Variants in PPP1CB observed in about 807,000 individuals in gnomAD.
The protein encoded by PPP1CB is serine/threonine-protein phosphatase PP1-beta catalytic subunit.
Under a neutral mutation model 43.7 loss-of-function variants are expected in PPP1CB, and 2 were observed. The ratio of observed to expected loss-of-function variants is 0.05; its 90% CI spans 0.02 to 0.14. The LOEUF (loss-of-function observed/expected upper bound fraction) is 0.14. PPP1CB is among the 10% of genes least tolerant of loss of function. PPP1CB has a pLI of 1.00. For missense variants in PPP1CB, 84 were observed against 398.0 expected (o/e 0.21, Z 6.71); for synonymous variants, 136 against 135.6 (o/e 1.00, Z -0.02).
chr2:28,768,190 A>G (rs1431132721), intron 1 of PPP1CB, among the ~76,000 whole-genome samples: 1 of 152,192 alleles, frequency 6.6e-6, no homozygotes, highest in Non-Finnish European at 1.5e-5. Flanking sequence ...AGGGAAGCGT[A>G]TAGTGTGAGC....
rs1274061720 is a variant in PPP1CB at position 28,800,178 on chromosome 2, TC to T, written c.*877del. The T allele has an allele frequency of 6.6e-6, 1 of 152,014 alleles. No homozygotes were observed. The highest frequency in any genetic ancestry group is 1.5e-5 in the Non-Finnish European group (1 of 67,854). 9.4% of individuals were successfully genotyped at this position (152,014 alleles called of 1,614,324 possible). On this transcript the variant is annotated 3_prime_UTR_variant, in exon 8 of 8. Coordinates refer to ENST00000395366, the MANE Select transcript of PPP1CB (RefSeq NM_002709.3). ...GGAACACCTTTTGGCATGCTTAACT[TC>T]CTGGTAACACCTTCACCTGCATTGG...
intron 4 of PPP1CB, chr2:28,782,374 C>T (rs1410697958): frequency 1.3e-5 from 2 of 158,348 alleles, no homozygotes; most frequent in Admixed American, 6.5e-5. Context: ...ATGTCTAACA[C>T]CTAGCTAGTA....
chr2:28,751,725 C>G (rs115360250), upstream of PPP1CB: 4,690 of 244,620 alleles, frequency 0.019, 184 homozygotes, highest in African/African-American at 0.088. Flanking sequence ...CGGCGGGGAG[C>G]GCACCGCGCG....
At chr2:28,771,243 G>A (rs374347319) in intron 1 of PPP1CB, among the ~76,000 whole-genome samples, 6 of 151,868 alleles carry the variant, frequency 4.0e-5, no homozygotes, top group African/African-American at 1.2e-4. Flanking sequence ...TAGTAGAGGC[G>A]GAGTTTCACC....
At chr2:28,779,245 A>G (rs1248610796) in intron 3 of PPP1CB, among the ~76,000 whole-genome samples, 1 of 152,224 alleles carries the variant, frequency 6.6e-6, no homozygotes, top group African/African-American at 2.4e-5. Context: ...GATTGACTGC[A>G]GCTTACTTGG....
chr2:28,756,030 A>G (rs536073792), intron 1 of PPP1CB, among the ~76,000 whole-genome samples: 12 of 152,348 alleles, frequency 7.9e-5, no homozygotes, highest in Admixed American at 7.8e-4. Context: ...TACTTAACAT[A>G]CTTTGTAAAA....
At chr2:28,775,389 G>A (rs1667014812) in intron 1 of PPP1CB, among the ~76,000 whole-genome samples, 1 of 152,144 alleles carries the variant, frequency 6.6e-6, no homozygotes, top group South Asian at 2.1e-4. Context: ...GATTACAGGT[G>A]TGAGCCACCG....
upstream of PPP1CB, chr2:28,751,828 T>G: frequency 2.1e-6 from 1 of 476,516 alleles, no homozygotes; most frequent in Non-Finnish European, 3.8e-6. Context: ...CTGGTGAGCT[T>G]TGCGGAGCTG....
intron 5 of PPP1CB, among the ~76,000 whole-genome samples, chr2:28,784,462 A>G (rs918452058): frequency 1.4e-4 from 22 of 152,152 alleles, no homozygotes; most frequent in Non-Finnish European, 2.9e-4. Context: ...AGGGATTTCA[A>G]TCTGTTGCCC....
intron 1 of PPP1CB, among the ~76,000 whole-genome samples, chr2:28,766,750 C>G (rs971718526): frequency 1.3e-5 from 2 of 152,176 alleles, no homozygotes; most frequent in South Asian, 2.1e-4. Context: ...CTCAACTCTT[C>G]AAGCACCGTT....
chr2:28,773,569 T>TA (rs1361782135), intron 1 of PPP1CB, among the ~76,000 whole-genome samples: 3 of 152,254 alleles, frequency 2.0e-5, no homozygotes, highest in Non-Finnish European at 4.4e-5. Context: ...AATATTTTTA[T>TA]AATCCAGCAG....
intron 2 of PPP1CB, among the ~76,000 whole-genome samples, chr2:28,778,027 T>C: frequency 6.6e-6 from 1 of 152,324 alleles, no homozygotes; most frequent in African/African-American, 2.4e-5. Context: ...GTTCAGAATT[T>C]GGGGGAACTA....
intron 1 of PPP1CB, among the ~76,000 whole-genome samples, chr2:28,763,938 T>A (rs901847217): frequency 6.6e-6 from 1 of 151,964 alleles, no homozygotes; most frequent in Non-Finnish European, 1.5e-5. Flanking sequence ...ACTGACCTCC[T>A]GATCCGCCCA....
intron 1 of PPP1CB, among the ~76,000 whole-genome samples, chr2:28,756,277 T>C (rs1176161607): frequency 2.0e-5 from 3 of 152,244 alleles, no homozygotes; most frequent in South Asian, 2.1e-4. Flanking sequence ...TAAAGTTCCA[T>C]AGCAAAATGT....
At chr2:28,762,669 T>C (rs1174553910) in intron 1 of PPP1CB, among the ~76,000 whole-genome samples, 2 of 152,244 alleles carry the variant, frequency 1.3e-5, no homozygotes, top group Non-Finnish European at 2.9e-5. Flanking sequence ...ATTTTTATGT[T>C]CTCTTACATT....
At position 28,781,615 on chromosome 2, in the gene PPP1CB, C is replaced by G; in HGVS notation, c.416-123C>G. On this transcript the variant is annotated intron_variant, in intron 3 of 7. Transcript: ENST00000395366. Reference sequence around the variant, plus strand: ...ACATCTTTGCATTGTAGAAAAAGTTCTTCTTTATAGATAAACATGAAGAAA... The same window carrying G: ...ACATCTTTGCATTGTAGAAAAAGTTGTTCTTTATAGATAAACATGAAGAAA... 5 of 701,148 alleles carry G rather than the reference C, an allele frequency of 7.1e-6. No individual in the cohort carries two copies. In the South Asian group the frequency reaches 7.6e-5, roughly 11 times the overall value. 43.4% of individuals were successfully genotyped at this position (701,148 alleles called of 1,614,324 possible).
Position 28,789,161 on chromosome 2 carries a change from A to C in PPP1CB, c.744+352A>C, listed in dbSNP as rs1345466473. On this transcript the variant is annotated intron_variant, in intron 6 of 7. Transcript: ENST00000395366. ...GAGCCAGTTCCTGGATCTCACACTT[A>C]ACAATCTAGTGATTTGTTAACCTTT... Among the ~76,000 whole-genome samples the C allele has an allele frequency of 2.0e-5, 3 of 152,264 alleles. No individual in the cohort carries two copies. The South Asian group carries it at 6.2e-4, about 32-fold the overall frequency.
In PPP1CB at chr2:28,751,861, T is replaced by A; in HGVS notation, c.-264T>A. On this transcript the variant is annotated 5_prime_UTR_variant, in exon 1 of 8. Coordinates refer to ENST00000395366, the MANE Select transcript of PPP1CB (RefSeq NM_002709.3). Reference sequence around the variant, plus strand: ...CTGGGCGGTGCCGAGGAGGAGGAGGTGGCGGCCTGGGTCTGACGCGGCCCT... The same window carrying A: ...CTGGGCGGTGCCGAGGAGGAGGAGGAGGCGGCCTGGGTCTGACGCGGCCCT... The A allele has an allele frequency of 1.9e-6, 1 of 531,022 alleles. No homozygotes were observed. The highest frequency in any genetic ancestry group is 3.4e-6 in the Non-Finnish European group (1 of 292,050). The allele number at this position is 531,022 out of a possible 1,614,324, so 32.9% of individuals were successfully genotyped here.
At chr2:28,787,467 A>C (rs954592054) in intron 5 of PPP1CB, among the ~76,000 whole-genome samples, 1 of 152,296 alleles carries the variant, frequency 6.6e-6, no homozygotes, top group Admixed American at 6.5e-5. Context: ...TCAAAAAAAT[A>C]TATATGTATC....
Sources: allele counts gnomAD v4.1 joint callset (sites outside exome capture counted in the v4.1 genomes callset), GRCh38; gene constraint gnomAD v4.1.1; transcripts MANE v1.5; gene names NCBI Gene and HGNC (gene_info 2026-07-23, HGNC 2026-07-21).